Variants in GAS7 observed in about 807,000 individuals in gnomAD.
GAS7 encodes growth arrest specific 7, also known as growth arrest-specific protein 7.
Under a neutral mutation model 71.1 loss-of-function variants are expected in GAS7, and 28 were observed. The ratio of observed to expected loss-of-function variants is 0.39; its 90% CI spans 0.29 to 0.54. The LOEUF is 0.54. Among genes scored for constraint, GAS7 ranks in the 20% least tolerant of loss-of-function variants. The pLI is 0.62. For synonymous variants in GAS7, 258 were observed against 245.8 expected (o/e 1.05, Z -0.46); for missense variants, 436 against 627.8 (o/e 0.69, Z 3.27).
At chr17:10,148,614 GA>G (rs539823559) in intron 1 of GAS7, among the ~76,000 whole-genome samples, 5,288 of 70,342 alleles carry the variant, frequency 0.075, 277 homozygotes, top group East Asian at 0.37. Flanking sequence ...AAACACTCAA[GA>G]AAAAAAAAAA....
chr17:10,126,318 CCA>C (rs1268848919), intron 1 of GAS7, among the ~76,000 whole-genome samples: 8 of 131,910 alleles, frequency 6.1e-5, no homozygotes, highest in East Asian at 2.7e-4. Context: ...TGTGTGCATG[CCA>C]CACACACACG....
At chr17:10,184,384 C>G (rs2074437493) in intron 1 of GAS7, among the ~76,000 whole-genome samples, 1 of 152,232 alleles carries the variant, frequency 6.6e-6, no homozygotes, top group African/African-American at 2.4e-5. Flanking sequence ...ATTAAATATA[C>G]TCACAGAGGT....
chr17:10,147,800 G>GA (rs2074132839), intron 1 of GAS7, among the ~76,000 whole-genome samples: 1 of 152,216 alleles, frequency 6.6e-6, no homozygotes, highest in Admixed American at 6.5e-5. Flanking sequence ...AATCTTGGGG[G>GA]AAAAAATCAG....
At chr17:10,059,729 G>T (rs569015561) in intron 1 of GAS7, 1 of 985,146 alleles carries the variant, frequency 1.0e-6, no homozygotes, top group Non-Finnish European at 1.2e-6. Flanking sequence ...AATCTGACAC[G>T]CTGGTCATTT....
At chr17:10,162,986 T>C (rs944864508) in intron 1 of GAS7, among the ~76,000 whole-genome samples, 3 of 152,174 alleles carry the variant, frequency 2.0e-5, no homozygotes, top group Non-Finnish European at 4.4e-5. Context: ...ATGGTTAAGA[T>C]GGTAAATTTT....
intron 1 of GAS7, among the ~76,000 whole-genome samples, chr17:10,067,052 C>T (rs1424396170): frequency 6.6e-6 from 1 of 152,180 alleles, no homozygotes; most frequent in African/African-American, 2.4e-5. Flanking sequence ...AAATTGGCCT[C>T]TCTTTGCTGA....
chr17:10,177,944 C>T (rs753086656), intron 1 of GAS7, among the ~76,000 whole-genome samples: 2 of 152,186 alleles, frequency 1.3e-5, no homozygotes, highest in South Asian at 2.1e-4. Flanking sequence ...GAACACCGGC[C>T]GCATTAGGTC....
At chr17:9,968,707 C>T (rs1050049165) in intron 4 of GAS7, among the ~76,000 whole-genome samples, 6 of 152,146 alleles carry the variant, frequency 3.9e-5, no homozygotes, top group African/African-American at 9.7e-5. Flanking sequence ...ATCAATCCTC[C>T]GGTTTATTTT....
chr17:10,005,978 T>C (rs1238608507), intron 2 of GAS7, among the ~76,000 whole-genome samples: 1 of 152,232 alleles, frequency 6.6e-6, no homozygotes, highest in Non-Finnish European at 1.5e-5. Context: ...CGAGTACTGG[T>C]TGATCTAATG....
chr17:10,005,250 T>C (rs1006202182), intron 2 of GAS7, among the ~76,000 whole-genome samples: 6 of 144,996 alleles, frequency 4.1e-5, no homozygotes, highest in Admixed American at 4.0e-4. Context: ...CGCATGCATG[T>C]GTGTGCACAC....
intron 1 of GAS7, among the ~76,000 whole-genome samples, chr17:10,075,870 G>A (rs1819396495): frequency 6.6e-6 from 1 of 151,108 alleles, no homozygotes; most frequent in African/African-American, 2.4e-5. Flanking sequence ...AGGCTGAGGT[G>A]GGCAAATCAC....
intron 2 of GAS7, among the ~76,000 whole-genome samples, chr17:10,010,700 G>A (rs2071737292): frequency 6.6e-6 from 1 of 152,162 alleles, no homozygotes; most frequent in Admixed American, 6.5e-5. Flanking sequence ...GAACACTTCC[G>A]TTAGCCTACA....
At chr17:10,179,648 G>T (rs2074399486) in intron 1 of GAS7, among the ~76,000 whole-genome samples, 1 of 152,108 alleles carries the variant, frequency 6.6e-6, no homozygotes, top group South Asian at 2.1e-4. Flanking sequence ...ATCCACAGAA[G>T]GGCTGTGACT....
intron 1 of GAS7, among the ~76,000 whole-genome samples, chr17:10,151,267 G>A (rs960842704): frequency 6.6e-6 from 1 of 152,026 alleles, no homozygotes. Context: ...AGCCCTGCTA[G>A]TAGCTGGGAC....
chr17:9,927,017 G>A (rs2068028163), intron 9 of GAS7: 1 of 445,364 alleles, frequency 2.2e-6, no homozygotes, highest in Non-Finnish European at 4.0e-6. Context: ...AGCAACTAGA[G>A]CCTTCTGATT....
intron 8 of GAS7, among the ~76,000 whole-genome samples, chr17:9,937,418 A>C (rs1245203275): frequency 6.6e-6 from 1 of 152,216 alleles, no homozygotes; most frequent in Non-Finnish European, 1.5e-5. Flanking sequence ...GCACGGGGAT[A>C]CTTAGGAAAG....
intron 9 of GAS7, among the ~76,000 whole-genome samples, chr17:9,931,369 C>T (rs1329305797): frequency 6.6e-6 from 1 of 152,188 alleles, no homozygotes; most frequent in Admixed American, 6.5e-5. Context: ...TCTAAACAAT[C>T]AAGAATCAGG....
chr17:9,972,048 G>A (rs971117537), intron 3 of GAS7, among the ~76,000 whole-genome samples: 7 of 152,190 alleles, frequency 4.6e-5, no homozygotes, highest in African/African-American at 9.6e-5. Flanking sequence ...TTTACCCCCC[G>A]TTCCAGAATA....
intron 2 of GAS7, among the ~76,000 whole-genome samples, chr17:10,000,006 G>A (rs1258976558): frequency 1.3e-5 from 2 of 151,926 alleles, no homozygotes; most frequent in African/African-American, 4.9e-5. Flanking sequence ...TCAAACGTCA[G>A]AGCGCATCAG....
Sources: gnomAD v4.1 joint callset for allele counts (sites outside exome capture counted in the v4.1 genomes callset) on GRCh38, gnomAD v4.1.1 for gene constraint, MANE v1.5 for transcripts, NCBI Gene and HGNC (gene_info 2026-07-23, HGNC 2026-07-21) for gene names.